Variants in IGF2R observed in about 807,000 individuals in gnomAD.
IGF2R encodes the protein insulin like growth factor 2 receptor.
Under a neutral mutation model 270.6 loss-of-function variants are expected in IGF2R, and 91 were observed. The ratio of observed to expected loss-of-function variants is 0.34; its 90% CI spans 0.28 to 0.40. The LOEUF (loss-of-function observed/expected upper bound fraction) is 0.40, where lower values mean the gene tolerates loss of function less well. IGF2R is among the 10% of genes least tolerant of loss of function. The probability of loss-of-function intolerance (pLI) is 1.00; values close to 1 mark genes in which losing one functional copy is unlikely to be tolerated. For synonymous variants in IGF2R, 1,316 were observed against 1,258.9 expected, an observed-to-expected ratio of 1.05 and a Z score of -0.96; for missense variants, 2,805 against 3,188.3, an observed-to-expected ratio of 0.88 and a Z score of 2.90.
chr6:160,043,131 CTT>C lies in IGF2R; in HGVS notation c.1481-14_1481-13del. 1 of 1,613,266 alleles carries C rather than the reference CTT, an allele frequency of 6.2e-7. No individual in the cohort carries two copies. Among genetic ancestry groups the C allele is most frequent in the Non-Finnish European group, 8.5e-7 (1 of 1,179,560 alleles). On this transcript the variant is annotated splice_polypyrimidine_tract_variant and intron_variant, in intron 11 of 47. Coordinates refer to ENST00000356956, the MANE Select transcript of IGF2R (RefSeq NM_000876.4). Reference sequence around the variant, plus strand: ...CAGCATTGCTTTTGGCTAAAATACACTTTTGTTTTGTTACAGAACCAGAGCAG... The same window carrying C: ...CAGCATTGCTTTTGGCTAAAATACACTTGTTTTGTTACAGAACCAGAGCAG...
Position 160,029,918 on chromosome 6 carries a change from G to A in IGF2R, c.882+263G>A, listed in dbSNP as rs8191760. On this transcript the variant is annotated intron_variant, in intron 7 of 47. Transcript: ENST00000356956. Reference sequence around the variant, plus strand: ...GGGCCTCCACATATAATGGGATGGTGTTTTGTTCTAGTCTCTGTGAGATTA... The same window carrying A: ...GGGCCTCCACATATAATGGGATGGTATTTTGTTCTAGTCTCTGTGAGATTA... Among the ~76,000 whole-genome samples, 911 of 152,336 alleles carry A rather than the reference G, an allele frequency of 6.0e-3. 9 individuals carry two copies. The highest frequency in any genetic ancestry group is 0.021 in the African/African-American group (861 of 41,580).
chr6:160,047,366 C>A, intron 16 of IGF2R, 30 bp downstream of exon 16: 1 of 1,525,454 alleles, frequency 6.6e-7, no homozygotes, highest in South Asian at 1.3e-5. Flanking sequence ...ATCGCGCTCC[C>A]TGAGGATACT....
intron 44 of IGF2R, chr6:160,093,967 C>G (rs1449718721): frequency 4.4e-6 from 3 of 683,606 alleles, no homozygotes; most frequent in Non-Finnish European, 8.4e-6. Flanking sequence ...GGATGTAGAA[C>G]AGAAAATGAG....
intron 10 of IGF2R, 104 bp downstream of exon 10, chr6:160,034,626 C>A (rs1326180208): frequency 1.2e-5 from 9 of 739,692 alleles, no homozygotes; most frequent in Admixed American, 5.8e-5. Flanking sequence ...ATGGAGGAGT[C>A]AGATGCCCTC....
chr6:160,037,985 A>G (rs1484888159), intron 10 of IGF2R, among the ~76,000 whole-genome samples: 1 of 152,152 alleles, frequency 6.6e-6, no homozygotes, highest in Non-Finnish European at 1.5e-5. Flanking sequence ...GAGGCTGGGA[A>G]ACGGAGTTTA....
At chr6:160,066,809 T>C (rs767078020) in intron 29 of IGF2R, among the ~76,000 whole-genome samples, 1 of 152,248 alleles carries the variant, frequency 6.6e-6, no homozygotes, top group Non-Finnish European at 1.5e-5. Flanking sequence ...TTTCTTCTGT[T>C]GACTACTTTT....
intron 45 of IGF2R, among the ~76,000 whole-genome samples, chr6:160,099,204 TG>T: frequency 6.6e-6 from 1 of 152,344 alleles, no homozygotes; most frequent in Non-Finnish European, 1.5e-5. Context: ...GCTAATTTGT[TG>T]TATTAGAAAA....
Position 160,109,432 on chromosome 6 carries a change from T to C in IGF2R, c.*4348T>C, listed in dbSNP as rs1393641632. On this transcript the variant is annotated 3_prime_UTR_variant, in exon 48 of 48. Transcript: ENST00000356956. ...TTTTAAAACATTTTGAGACAACATG[T>C]AGACATTCAAACTTACAGAACAAAG... is the stretch of plus-strand genomic sequence containing the variant. 6.6e-6 allele frequency: 1 copy of C among 152,252 alleles called. No individual in the cohort carries two copies. The highest frequency in any genetic ancestry group is 1.9e-4 in the East Asian group (1 of 5,202). The allele number at this position is 152,252 out of a possible 1,614,324, so 9.4% of individuals were successfully genotyped here. A position where few individuals can be genotyped will look rare whatever the true frequency, so the allele number is the denominator to read the frequency against.
At chr6:159,993,018 C>T (rs1401121852) in intron 2 of IGF2R, among the ~76,000 whole-genome samples, 3 of 152,142 alleles carry the variant, frequency 2.0e-5, no homozygotes, top group Non-Finnish European at 2.9e-5. Flanking sequence ...GGATGTGGAA[C>T]ATTTTTACAT....
At chr6:160,005,136 T>G (rs1456194012) in intron 2 of IGF2R, 1 of 152,290 alleles carries the variant, frequency 6.6e-6, no homozygotes, top group Non-Finnish European at 1.5e-5. Flanking sequence ...GGTGACATGA[T>G]GTCGAACTGG....
rs781614734 is a variant in IGF2R, at chr6:160,059,113, A to T, written c.3091+15A>T. 3.7e-6 allele frequency: 6 copies of T among 1,608,426 alleles called. No individual in the cohort carries two copies. Among genetic ancestry groups the T allele is most frequent in the East Asian group, 2.2e-5 (1 of 44,800 alleles). Reference sequence around the variant, plus strand: ...CTCTGCCAAAGGTGAGCTCAGAGCCATGTTGTTTTGTAGCTAAAAAGGGCC... The same window carrying T: ...CTCTGCCAAAGGTGAGCTCAGAGCCTTGTTGTTTTGTAGCTAAAAAGGGCC... On this transcript the variant is annotated intron_variant, in intron 22 of 47. Transcript: ENST00000356956.
At chr6:160,080,334 G>A (rs1778951397) in intron 39 of IGF2R, 59 bp downstream of exon 39, 4 of 1,517,556 alleles carry the variant, frequency 2.6e-6, no homozygotes, top group East Asian at 4.6e-5. Flanking sequence ...GTCAAGGCTC[G>A]ATTCACACTG....
At chr6:160,011,551 G>A (rs200824530) in intron 4 of IGF2R, among the ~76,000 whole-genome samples, 26 of 119,676 alleles carry the variant, frequency 2.2e-4, no homozygotes, top group African/African-American at 8.3e-4. Context: ...CACATATTTC[G>A]TTTTTTTTTT....
chr6:160,045,646 C>T, intron 13 of IGF2R, 99 bp from the exon 14 acceptor site: 1 of 1,450,266 alleles, frequency 6.9e-7, no homozygotes, highest in Non-Finnish European at 9.7e-7. Flanking sequence ...CCTCATTTCC[C>T]ACTGTCCCTT....
At chr6:159,978,792 C>T (rs1389761089) in intron 1 of IGF2R, among the ~76,000 whole-genome samples, 1 of 152,202 alleles carries the variant, frequency 6.6e-6, no homozygotes, top group African/African-American at 2.4e-5. Flanking sequence ...CCCAGGTGCT[C>T]TGTGAACCTG....
chr6:160,052,552 A>G (rs1156526970), intron 19 of IGF2R, among the ~76,000 whole-genome samples: 5 of 152,176 alleles, frequency 3.3e-5, no homozygotes, highest in Admixed American at 2.6e-4. Flanking sequence ...CAAGCTACCA[A>G]TGGTTTTCTT....
At chr6:160,065,344 G>A (rs181056749) in intron 29 of IGF2R, among the ~76,000 whole-genome samples, 16 of 152,284 alleles carry the variant, frequency 1.1e-4, no homozygotes, top group African/African-American at 3.9e-4. Context: ...TTGGAGGGAT[G>A]CCCTGTGTTC....
chr6:159,982,565 T>C (rs1783822476), intron 1 of IGF2R, among the ~76,000 whole-genome samples: 1 of 152,238 alleles, frequency 6.6e-6, no homozygotes, highest in South Asian at 2.1e-4. Context: ...TTTCTGTCTT[T>C]TAAGGAAACC....
chr6:160,083,320 C>T (rs867546938), intron 39 of IGF2R, among the ~76,000 whole-genome samples: 11 of 152,208 alleles, frequency 7.2e-5, no homozygotes, highest in Non-Finnish European at 1.5e-4. Context: ...AAACGTGTCT[C>T]GCCTCCCGCC....
Sources: gnomAD v4.1 joint callset for allele counts (sites outside exome capture counted in the v4.1 genomes callset) on GRCh38, gnomAD v4.1.1 for gene constraint, MANE v1.5 for transcripts, NCBI Gene and HGNC (gene_info 2026-07-23, HGNC 2026-07-21) for gene names.